Variants in LSAMP observed in about 807,000 individuals in gnomAD.
The protein encoded by LSAMP is limbic system associated membrane protein.
Under a neutral mutation model 38.6 loss-of-function variants are expected in LSAMP, and 7 were observed. The observed-to-expected ratio is 0.18, with a 90% CI of 0.10 to 0.34. The LOEUF (loss-of-function observed/expected upper bound fraction) is 0.34, where lower values mean the gene tolerates loss of function less well. Among genes scored for constraint, LSAMP ranks in the 10% least tolerant of loss-of-function variants. The pLI, the probability that LSAMP is intolerant of heterozygous loss-of-function variation, is 1.00. For synonymous variants in LSAMP, 154 were observed against 166.8 expected (o/e 0.92, Z 0.59); for missense variants, 313 against 420.0 (o/e 0.75, Z 2.23).
intron 3 of LSAMP, among the ~76,000 whole-genome samples, chr3:115,929,327 G>A (rs922587777): frequency 1.3e-5 from 2 of 152,190 alleles, no homozygotes; most frequent in African/African-American, 4.8e-5. Context: ...TGTCTGAAAG[G>A]ATTGGTGAGA....
At chr3:116,419,379 G>A (rs2049093080) in intron 1 of LSAMP, among the ~76,000 whole-genome samples, 2 of 152,090 alleles carry the variant, frequency 1.3e-5, no homozygotes, top group Admixed American at 1.3e-4. Context: ...ATTTCATTTG[G>A]AAGTTATAGA....
chr3:115,825,115 C>G (rs1934366599), intron 6 of LSAMP, among the ~76,000 whole-genome samples: 1 of 152,058 alleles, frequency 6.6e-6, no homozygotes. Context: ...AGGTAACTGG[C>G]CTGCAGAATT....
intron 1 of LSAMP, among the ~76,000 whole-genome samples, chr3:116,372,694 A>G (rs1163302210): frequency 2.7e-5 from 2 of 72,744 alleles, no homozygotes; most frequent in Admixed American, 1.5e-4. Context: ...TTAATTGAAT[A>G]TTGCCCTTAT....
At chr3:115,948,115 A>G (rs1350449235) in intron 3 of LSAMP, among the ~76,000 whole-genome samples, 2 of 152,238 alleles carry the variant, frequency 1.3e-5, no homozygotes, top group African/African-American at 2.4e-5. Flanking sequence ...TCTTCTGAAT[A>G]AGGTCTAAAT....
intron 1 of LSAMP, among the ~76,000 whole-genome samples, chr3:116,422,337 T>C (rs1251131819): frequency 6.6e-6 from 1 of 152,106 alleles, no homozygotes; most frequent in Non-Finnish European, 1.5e-5. Context: ...ATAAAAATAA[T>C]GCAAATAAAA....
In LSAMP at chr3:115,852,468, T is replaced by A; in HGVS notation, c.649+15A>T. On this transcript the variant is annotated intron_variant, in intron 4 of 6. Coordinates refer to ENST00000490035, the MANE Select transcript of LSAMP (RefSeq NM_002338.5). ...CCCTGGGCACCTAGCACCTGCTGGCTCCTGCCGTACTCACAGTTCACAGTG... is the reference window on the plus strand; with the variant it reads ...CCCTGGGCACCTAGCACCTGCTGGCACCTGCCGTACTCACAGTTCACAGTG... 2 of 1,600,520 alleles carry A rather than the reference T, an allele frequency of 1.2e-6. No individual in the cohort carries two copies. The highest frequency in any genetic ancestry group is 1.7e-6 in the Non-Finnish European group (2 of 1,174,076).
chr3:116,440,096 G>A (rs1378317826), intron 1 of LSAMP, among the ~76,000 whole-genome samples: 1 of 152,178 alleles, frequency 6.6e-6, no homozygotes. Context: ...CAGCATGCAA[G>A]GATAGATCCA....
At chr3:116,174,367 T>C (rs1278208697) in intron 1 of LSAMP, among the ~76,000 whole-genome samples, 1 of 151,986 alleles carries the variant, frequency 6.6e-6, no homozygotes, top group African/African-American at 2.4e-5. Flanking sequence ...AATAGCTGTT[T>C]AACACAGCAC....
chr3:116,366,118 T>G (rs2048350160), intron 1 of LSAMP, among the ~76,000 whole-genome samples: 1 of 147,152 alleles, frequency 6.8e-6, no homozygotes, highest in African/African-American at 2.5e-5. Flanking sequence ...TTGCAGTCTA[T>G]CCATCTCACA....
chr3:115,954,923 T>G (rs1938404423), intron 3 of LSAMP, among the ~76,000 whole-genome samples: 1 of 151,102 alleles, frequency 6.6e-6, no homozygotes, highest in East Asian at 2.0e-4. Flanking sequence ...CCCTTCCACC[T>G]ATTTGCTTCC....
At chr3:116,161,606 A>C (rs550588258) in intron 1 of LSAMP, among the ~76,000 whole-genome samples, 3 of 152,276 alleles carry the variant, frequency 2.0e-5, no homozygotes, top group African/African-American at 7.2e-5. Context: ...AGCTCCCCAG[A>C]TCCACTGACC....
intron 3 of LSAMP, among the ~76,000 whole-genome samples, chr3:115,944,769 G>A (rs547342984): frequency 3.3e-5 from 5 of 152,142 alleles, no homozygotes; most frequent in Non-Finnish European, 7.4e-5. Flanking sequence ...GGCTGAGCTA[G>A]AATTAAAACC....
At chr3:116,192,946 CCA>C (rs1244025526) in intron 1 of LSAMP, among the ~76,000 whole-genome samples, 1 of 152,140 alleles carries the variant, frequency 6.6e-6, no homozygotes, top group African/African-American at 2.4e-5. Flanking sequence ...GCTTCAACCA[CCA>C]CTTAATTAGA....
At position 115,805,107 on chromosome 3, in the gene LSAMP, AAAG is replaced by A. The variant is rs1933601062; in HGVS notation, c.*5207_*5209del. The A allele has an allele frequency of 6.6e-6, 1 of 152,330 alleles. No homozygotes were observed. Among genetic ancestry groups the A allele is most frequent in the South Asian group, 2.1e-4 (1 of 4,830 alleles). 9.4% of individuals were successfully genotyped at this position (152,330 alleles called of 1,614,324 possible). On this transcript the variant is annotated 3_prime_UTR_variant, in exon 7 of 7. Transcript: ENST00000490035. ...ATCTTAGATGGTGAGAAAGGAGTAA[AAAG>A]AAGATAGCTGGGAGTGGATACAGCA... is the stretch of plus-strand genomic sequence containing the variant.
chr3:116,391,831 C>T (rs746627021), intron 1 of LSAMP, among the ~76,000 whole-genome samples: 6 of 152,118 alleles, frequency 3.9e-5, no homozygotes, highest in Admixed American at 6.5e-5. Flanking sequence ...CTGATGGTGT[C>T]GGTTTCTTGC....
intron 2 of LSAMP, among the ~76,000 whole-genome samples, chr3:116,020,659 T>A (rs968443327): frequency 1.9e-4 from 29 of 152,172 alleles, no homozygotes; most frequent in African/African-American, 6.8e-4. Flanking sequence ...CTTCCTTCAT[T>A]AGTGTTCAGG....
intron 1 of LSAMP, among the ~76,000 whole-genome samples, chr3:116,375,925 C>CA (rs1346073233): frequency 1.3e-5 from 2 of 151,858 alleles, no homozygotes; most frequent in African/African-American, 4.8e-5. Flanking sequence ...TCATTTATGA[C>CA]AATTTTCTTT....
chr3:116,370,145 C>G (rs1022312826), intron 1 of LSAMP: 6 of 152,142 alleles, frequency 3.9e-5, no homozygotes, highest in African/African-American at 1.4e-4. Context: ...TATCATTAAG[C>G]TTTTAAAAAT....
chr3:116,396,095 G>C (rs970312014), intron 1 of LSAMP, among the ~76,000 whole-genome samples: 13 of 152,076 alleles, frequency 8.5e-5, no homozygotes, highest in African/African-American at 3.1e-4. Context: ...ACATTTTGGA[G>C]GAAGTACTAA....
Sources: gnomAD v4.1 joint callset for allele counts (sites outside exome capture counted in the v4.1 genomes callset) on GRCh38, gnomAD v4.1.1 for gene constraint, MANE v1.5 for transcripts, NCBI Gene and HGNC (gene_info 2026-07-23, HGNC 2026-07-21) for gene names.